Variants in CFAP20DC observed in about 807,000 individuals in gnomAD.
The protein encoded by CFAP20DC is protein CFAP20DC.
Under a neutral mutation model 101.7 loss-of-function variants are expected in CFAP20DC, and 84 were observed. The observed-to-expected ratio is 0.83, with a 90% confidence interval of 0.69 to 0.99. CFAP20DC has a LOEUF of 0.99. CFAP20DC is among the 50% of genes least tolerant of loss of function. The probability of loss-of-function intolerance (pLI) is 0.00; values close to 1 mark genes in which losing one functional copy is unlikely to be tolerated. For synonymous variants in CFAP20DC, 359 were observed against 351.2 expected (o/e 1.02, Z -0.25); for missense variants, 1,007 against 970.3 (o/e 1.04, Z -0.50).
chr3:58,831,758 C>G lies in CFAP20DC; in HGVS notation c.2103G>C (p.Gln701His), dbSNP rs2076408785. The G allele has an allele frequency of 6.2e-7, 1 of 1,613,972 alleles. No individual in the cohort carries two copies. Among genetic ancestry groups the G allele is most frequent in the Non-Finnish European group, 8.5e-7 (1 of 1,180,008 alleles). ...TTATGCTGACATTACAGTTGTCCAC[C>G]TGGGAGGCACTCAGGCCATGGGAGG... ...AGTSHGLSAS[Q>H]VDNCNVSIST... Residue 701 changes from glutamine to histidine, a missense_variant, in exon 14 of 17, where the codon CAG becomes CAC. Physicochemically the swap from Gln to His is conservative, Grantham distance 24. Transcript: ENST00000482387.
At chr3:58,871,887 A>C (rs919810505) in intron 7 of CFAP20DC, among the ~76,000 whole-genome samples, 9 of 152,060 alleles carry the variant, frequency 5.9e-5, no homozygotes, top group Non-Finnish European at 1.0e-4. Context: ...CCTGGCCCCC[A>C]AAACTCCCAG....
chr3:58,885,817 C>T (rs2081579910), intron 6 of CFAP20DC, among the ~76,000 whole-genome samples: 1 of 151,902 alleles, frequency 6.6e-6, no homozygotes, highest in East Asian at 1.9e-4. Flanking sequence ...AATAGTATTC[C>T]ATGGTGTTTG....
intron 6 of CFAP20DC, among the ~76,000 whole-genome samples, chr3:58,907,825 G>A (rs766534939): frequency 6.6e-6 from 1 of 152,164 alleles, no homozygotes; most frequent in Non-Finnish European, 1.5e-5. Context: ...CGTACAAGGC[G>A]AAGTACTGGC....
In CFAP20DC at chr3:59,001,439, T is replaced by G; in HGVS notation, c.278+38118A>C. Among the ~76,000 whole-genome samples, 1 of 152,116 alleles carries G rather than the reference T, an allele frequency of 6.6e-6. No individual in the cohort carries two copies. The highest frequency in any genetic ancestry group is 1.9e-4 in the East Asian group (1 of 5,190). On this transcript the variant is annotated intron_variant, in intron 4 of 16. Coordinates refer to ENST00000482387, the MANE Select transcript of CFAP20DC (RefSeq NM_001394063.1). This position sits in a 1 kb window ranked among gnomAD's most constrained non-coding sequence, Gnocchi z 4.5. Reference sequence around the variant, plus strand: ...CTCTCTCCTCTCTTAAGTTTCACACTTATTGTCCAGGCTGGAGTGCAATGG... The same window carrying G: ...CTCTCTCCTCTCTTAAGTTTCACACGTATTGTCCAGGCTGGAGTGCAATGG...
In CFAP20DC at chr3:58,870,275, C is replaced by A; in HGVS notation, c.750G>T (p.Arg250=). 6.2e-7 allele frequency: 1 copy of A among 1,613,982 alleles called. No individual in the cohort carries two copies. The highest frequency in any genetic ancestry group is 8.5e-7 in the Non-Finnish European group (1 of 1,179,902). ...QFINRGTSIT[R]NSKNQDVCHI... ...GACAAACATCTTGATTTTTACTGTT[C>A]CGTGTAATACTTGTTCCTCTGTTAA... Residue 250 remains arginine (R), a synonymous_variant, in exon 8 of 17, where the codon CGG becomes CGT. Coordinates refer to ENST00000482387, the MANE Select transcript of CFAP20DC (RefSeq NM_001394063.1).
intron 15 of CFAP20DC, among the ~76,000 whole-genome samples, chr3:58,797,759 T>C (rs2073364196): frequency 6.6e-6 from 1 of 152,156 alleles, no homozygotes; most frequent in Non-Finnish European, 1.5e-5. Context: ...GACTCTGTTG[T>C]TGGGGGCTAA....
At chr3:59,016,054 G>GT (rs1379487402) in intron 4 of CFAP20DC, among the ~76,000 whole-genome samples, 18 of 152,074 alleles carry the variant, frequency 1.2e-4, no homozygotes, top group Admixed American at 1.2e-3. Context: ...AACTTCAAGT[G>GT]TATCAGAATC....
intron 4 of CFAP20DC, among the ~76,000 whole-genome samples, chr3:58,949,534 G>A (rs1050225979): frequency 2.6e-5 from 4 of 151,890 alleles, no homozygotes; most frequent in East Asian, 1.9e-4. Context: ...CCTTCATTTC[G>A]TTATGTATCC....
chr3:58,934,859 G>A (rs1318514675), intron 5 of CFAP20DC, among the ~76,000 whole-genome samples: 6 of 152,156 alleles, frequency 3.9e-5, no homozygotes, highest in Non-Finnish European at 8.8e-5. Flanking sequence ...TTGAAAACTG[G>A]CACAAGACAG....
intron 5 of CFAP20DC, among the ~76,000 whole-genome samples, chr3:58,924,432 T>C (rs1270459205): frequency 2.0e-5 from 3 of 152,186 alleles, no homozygotes; most frequent in African/African-American, 7.2e-5. Flanking sequence ...GGCTGTGCAG[T>C]ATTTCATGGT....
At chr3:58,819,932 A>C (rs1165072938) in intron 14 of CFAP20DC, among the ~76,000 whole-genome samples, 14 of 140,870 alleles carry the variant, frequency 9.9e-5, no homozygotes, top group African/African-American at 3.0e-4. Flanking sequence ...CACATCAAAA[A>C]GCTTATCCAC....
rs984274597 is a variant in CFAP20DC at position 58,804,444 on chromosome 3, C to A, written c.2237+1951G>T. ...GTTGTGTGATCTCGGCCCACTGTAACCTCTGCTTCCTGGGTTCAAGAGATT... is the reference window on the plus strand; with the variant it reads ...GTTGTGTGATCTCGGCCCACTGTAAACTCTGCTTCCTGGGTTCAAGAGATT... On this transcript the variant is annotated intron_variant, in intron 15 of 16. Transcript: ENST00000482387. Among the ~76,000 whole-genome samples, 9 of 150,154 alleles carry A rather than the reference C, an allele frequency of 6.0e-5. No individual in the cohort carries two copies. The South Asian group carries it at 1.7e-3, about 28-fold the overall frequency.
Position 58,724,175 on chromosome 3 carries a change from G to A in CFAP20DC, c.198-6547C>T, listed in dbSNP as rs375231580. 1.1e-4 allele frequency among the ~76,000 whole-genome samples: 17 copies of A among 152,310 alleles called. No individual in the cohort carries two copies. Among genetic ancestry groups the A allele is most frequent in the African/African-American group, 3.4e-4 (14 of 41,570 alleles). ...TTCTTCCTTTTCCCTGCTGGGGCTG[G>A]CTGGAGGATGGGAGGCCTCTAACAC... On this transcript the variant is annotated intron_variant, in intron 3 of 3. Transcript: ENST00000486145. The surrounding 1 kb of genome is among the most constrained non-coding windows in gnomAD (Gnocchi z 5.6).
At chr3:59,043,851 A>G (rs1161679214) in intron 3 of CFAP20DC, among the ~76,000 whole-genome samples, 3 of 152,182 alleles carry the variant, frequency 2.0e-5, no homozygotes, top group South Asian at 2.1e-4. Context: ...ACTGGTTACA[A>G]TGAAAAATTA....
At chr3:58,759,223 T>G (rs555748314) in intron 15 of CFAP20DC, among the ~76,000 whole-genome samples, 1 of 152,128 alleles carries the variant, frequency 6.6e-6, no homozygotes, top group Non-Finnish European at 1.5e-5. Flanking sequence ...TTTTAAGGAT[T>G]GCCATTCTAA....
Position 58,971,991 on chromosome 3 carries a change from T to C in CFAP20DC, c.279-34229A>G, listed in dbSNP as rs1017529987. 7.9e-5 allele frequency among the ~76,000 whole-genome samples: 12 copies of C among 152,100 alleles called. No individual in the cohort carries two copies. Among genetic ancestry groups the C allele is most frequent in the South Asian group, 2.1e-4 (1 of 4,820 alleles). On this transcript the variant is annotated intron_variant, in intron 4 of 16. Transcript: ENST00000482387. The surrounding 1 kb of genome is among the most constrained non-coding windows in gnomAD (Gnocchi z 4.1). ...TTATTATAGGTGTGGATTACTTTAA[T>C]TCTGTATGCAATTTTAAAATGGCAG...
chr3:58,755,112 T>C (rs929498195), intron 15 of CFAP20DC, among the ~76,000 whole-genome samples: 1 of 152,144 alleles, frequency 6.6e-6, no homozygotes, highest in African/African-American at 2.4e-5. Context: ...TTACAAACTA[T>C]TTGCTTTTCC....
intron 1 of CFAP20DC, among the ~76,000 whole-genome samples, chr3:59,048,018 T>C (rs1415944461): frequency 1.3e-5 from 2 of 152,218 alleles, no homozygotes; most frequent in African/African-American, 4.8e-5. Context: ...AATAAAATAT[T>C]GTGTCTACAG....
intron 4 of CFAP20DC, among the ~76,000 whole-genome samples, chr3:59,013,558 T>C (rs1452484901): frequency 6.6e-6 from 1 of 152,162 alleles, no homozygotes; most frequent in East Asian, 1.9e-4. Flanking sequence ...TGTTTGCATT[T>C]TACCTATTAC....
Sources: allele counts gnomAD v4.1 joint callset (sites outside exome capture counted in the v4.1 genomes callset), GRCh38; gene constraint gnomAD v4.1.1; non-coding constraint Gnocchi (gnomAD v3.1); transcripts MANE v1.5; gene names NCBI Gene and HGNC (gene_info 2026-07-23, HGNC 2026-07-21).